The following PAPPA variants were observed in gnomAD, a reference collection of about 807,000 sequenced individuals.
PAPPA encodes pappalysin 1.
Under a neutral mutation model 164.0 loss-of-function variants are expected in PAPPA, and 60 were observed. That is an observed-to-expected ratio of 0.37 (90% CI 0.30 to 0.45). The LOEUF is 0.45. Among genes scored for constraint, PAPPA ranks in the 20% least tolerant of loss-of-function variants. The pLI, the probability that PAPPA is intolerant of heterozygous loss-of-function variation, is 1.00. For synonymous variants in PAPPA, 875 were observed against 814.1 expected (o/e 1.07, Z -1.27); for missense variants, 1,782 against 2,087.3 (o/e 0.85, Z 2.85).
Position 116,398,966 on chromosome 9 carries a change from G to C in PAPPA, c.*2350G>C, listed in dbSNP as rs1482140333. The C allele has an allele frequency of 6.8e-6, 2 of 293,840 alleles. No individual in the cohort carries two copies. The highest frequency in any genetic ancestry group is 4.5e-5 in the African/African-American group (2 of 44,772). 18.2% of individuals were successfully genotyped at this position (293,840 alleles called of 1,614,324 possible). ...AGCCTGTGTGGTGTTAACTACCTTA[G>C]AAGGTACAAGCTAAGAAATGTAACA... On this transcript the variant is annotated 3_prime_UTR_variant, in exon 22 of 22. Transcript: ENST00000328252.
intron 18 of PAPPA, among the ~76,000 whole-genome samples, chr9:116,366,727 A>G (rs1588022488): frequency 1.3e-5 from 2 of 152,188 alleles, no homozygotes; most frequent in Non-Finnish European, 2.9e-5. Context: ...AGCAGGGAAG[A>G]GAGCTATTGA....
At chr9:116,339,204 A>T (rs1245957252) in intron 13 of PAPPA, among the ~76,000 whole-genome samples, 1 of 152,176 alleles carries the variant, frequency 6.6e-6, no homozygotes, top group Non-Finnish European at 1.5e-5. Flanking sequence ...CAACATTTAA[A>T]TATCAGGAGA....
intron 4 of PAPPA, among the ~76,000 whole-genome samples, chr9:116,218,177 A>G (rs532655666): frequency 3.9e-5 from 6 of 152,120 alleles, no homozygotes; most frequent in African/African-American, 1.2e-4. Flanking sequence ...TGTGTTAAAG[A>G]CTTCCCTAAG....
At chr9:116,355,981 T>A (rs1434395362) in intron 17 of PAPPA, among the ~76,000 whole-genome samples, 1 of 152,186 alleles carries the variant, frequency 6.6e-6, no homozygotes, top group Non-Finnish European at 1.5e-5. Context: ...TTGCTGCCTA[T>A]AAACATAGCA....
In PAPPA at chr9:116,252,915, T is replaced by G. The variant is rs1844876805; in HGVS notation, c.2733-12942T>G. On this transcript the variant is annotated intron_variant, in intron 7 of 21. Coordinates refer to ENST00000328252, the MANE Select transcript of PAPPA (RefSeq NM_002581.5). ...AGAGCACTATACTTATCACTCACAT[T>G]TTTTGATATGTGTGCTTTCTCAAAC... 3.3e-5 allele frequency among the ~76,000 whole-genome samples: 5 copies of G among 152,226 alleles called. No individual in the cohort carries two copies. In the South Asian group the frequency reaches 1.0e-3, roughly 32 times the overall value.
rs1215605102 is a variant in PAPPA at position 116,401,335 on chromosome 9, C to G, written c.*4719C>G. On this transcript the variant is annotated 3_prime_UTR_variant, in exon 22 of 22. Transcript: ENST00000328252. ...CTAAAATCTCTTCTTCAGAAGGCAC[C>G]TCACTTCTCAGACTTAAAATTCCAC... The G allele has an allele frequency of 1.3e-5, 2 of 152,482 alleles. No individual in the cohort carries two copies. The highest frequency in any genetic ancestry group is 2.4e-5 in the African/African-American group (1 of 41,426). 9.4% of individuals were successfully genotyped at this position (152,482 alleles called of 1,614,324 possible). A position where few individuals can be genotyped will look rare whatever the true frequency, so the allele number is the denominator to read the frequency against.
intron 6 of PAPPA, among the ~76,000 whole-genome samples, chr9:116,230,166 C>T (rs994704746): frequency 1.2e-4 from 19 of 152,238 alleles, no homozygotes; most frequent in African/African-American, 4.6e-4. Flanking sequence ...ACATGTGCAC[C>T]AGGAAAAGAC....
intron 9 of PAPPA, among the ~76,000 whole-genome samples, chr9:116,292,347 G>C (rs1845446885): frequency 6.6e-6 from 1 of 152,214 alleles, no homozygotes; most frequent in African/African-American, 2.4e-5. Context: ...AAGAGAAGCA[G>C]ATAGGCTGGT....
At chr9:116,346,064 T>TAA (rs1212596213) in intron 14 of PAPPA, among the ~76,000 whole-genome samples, 2 of 152,142 alleles carry the variant, frequency 1.3e-5, no homozygotes, top group Non-Finnish European at 1.5e-5. Flanking sequence ...TAGAAACAAT[T>TAA]AGACTGTTTT....
chr9:116,254,922 A>G (rs1264638755), intron 7 of PAPPA, among the ~76,000 whole-genome samples: 1 of 151,904 alleles, frequency 6.6e-6, no homozygotes, highest in Non-Finnish European at 1.5e-5. Context: ...ATTTGCTATA[A>G]TAAGCATGGA....
intron 1 of PAPPA, among the ~76,000 whole-genome samples, chr9:116,155,358 C>T (rs1442483786): frequency 6.6e-6 from 1 of 152,230 alleles, no homozygotes; most frequent in Non-Finnish European, 1.5e-5. Context: ...CACAGCAAAG[C>T]CTATAGTGAA....
rs117238932 is a variant in PAPPA, at chr9:116,247,319, A to G, written c.2732+11682A>G. ...CTTGTTCTGCAGAACTTCACAGAAC[A>G]TGCTACTTTTCCTTTTAATTGTGAG... On this transcript the variant is annotated intron_variant, in intron 7 of 21. Transcript: ENST00000328252. Among the ~76,000 whole-genome samples, 44 of 152,332 alleles carry G rather than the reference A, an allele frequency of 2.9e-4. No individual in the cohort carries two copies. In the East Asian group the frequency reaches 6.9e-3, roughly 24 times the overall value.
At chr9:116,310,301 C>A (rs182169184) in intron 10 of PAPPA, among the ~76,000 whole-genome samples, 1 of 152,294 alleles carries the variant, frequency 6.6e-6, no homozygotes, top group African/African-American at 2.4e-5. Flanking sequence ...GCGAAGGGAA[C>A]ATGCTGAAAT....
intron 8 of PAPPA, among the ~76,000 whole-genome samples, chr9:116,266,601 C>A (rs2118815189): frequency 6.6e-6 from 1 of 152,224 alleles, no homozygotes; most frequent in African/African-American, 2.4e-5. Flanking sequence ...TGGGTCCAAT[C>A]AGTAAGTGTG....
intron 4 of PAPPA, among the ~76,000 whole-genome samples, chr9:116,219,616 A>G (rs1844417470): frequency 6.6e-6 from 1 of 152,120 alleles, no homozygotes; most frequent in South Asian, 2.1e-4. Context: ...TTTGGGGGCC[A>G]TGGGAAATAG....
intron 21 of PAPPA, among the ~76,000 whole-genome samples, chr9:116,388,690 T>C (rs906938107): frequency 6.6e-6 from 1 of 152,208 alleles, no homozygotes; most frequent in East Asian, 1.9e-4. Context: ...GCCTAAGGAC[T>C]CTTCACATGG....
intron 6 of PAPPA, among the ~76,000 whole-genome samples, chr9:116,230,145 G>T (rs1844571700): frequency 6.6e-6 from 1 of 152,152 alleles, no homozygotes; most frequent in Non-Finnish European, 1.5e-5. Flanking sequence ...TTCCTCCTAT[G>T]TAAATTTAGT....
intron 9 of PAPPA, among the ~76,000 whole-genome samples, chr9:116,273,094 T>G (rs1053196561): frequency 1.3e-5 from 2 of 152,176 alleles, no homozygotes; most frequent in African/African-American, 4.8e-5. Flanking sequence ...AATATCTGCC[T>G]GTTTGACTTG....
intron 6 of PAPPA, among the ~76,000 whole-genome samples, chr9:116,232,409 G>A (rs1484448136): frequency 6.6e-5 from 10 of 152,128 alleles, no homozygotes; most frequent in Admixed American, 2.0e-4. Flanking sequence ...CAACCTTGAG[G>A]TAGGTAACAT....
Sources: allele counts gnomAD v4.1 joint callset (sites outside exome capture counted in the v4.1 genomes callset), GRCh38; gene constraint gnomAD v4.1.1; transcripts MANE v1.5; gene names NCBI Gene and HGNC (gene_info 2026-07-23, HGNC 2026-07-21).